Variants in NAT1 observed in about 807,000 individuals in gnomAD.
The protein encoded by NAT1 is N-acetyltransferase 1, also known as arylamine N-acetyltransferase 1.
For missense variants in NAT1, 400 were observed against 339.2 expected (o/e 1.18, Z -1.41); for synonymous variants, 144 against 122.6 (o/e 1.17, Z -1.16).
In NAT1 at chr8:18,222,282, C is replaced by G; in HGVS notation, c.235C>G (p.Leu79Val). 1 of 1,614,122 alleles carries G rather than the reference C, an allele frequency of 6.2e-7. No individual in the cohort carries two copies. The highest frequency in any genetic ancestry group is 8.5e-7 in the Non-Finnish European group (1 of 1,180,020). Residue 79 changes from leucine to valine, a missense_variant, in exon 3 of 3, where the codon CTG becomes GTG. Leu to Val is a conservative substitution (Grantham distance 32, BLOSUM62 1). Coordinates refer to ENST00000307719, the MANE Select transcript of NAT1 (RefSeq NM_000662.8). Reference protein sequence around the residue: ...LQVNHLLYWALTTIGFETTML... With the variant: ...LQVNHLLYWAVTTIGFETTML... Reference sequence around the variant, plus strand: ...GGTCAATCATCTTCTGTACTGGGCTCTGACCACTATTGGTTTTGAGACCAC... The same window carrying G: ...GGTCAATCATCTTCTGTACTGGGCTGTGACCACTATTGGTTTTGAGACCAC...
chr8:18,208,713 T>G (rs999092599), upstream of NAT1, among the ~76,000 whole-genome samples: 1 of 152,176 alleles, frequency 6.6e-6, no homozygotes, highest in African/African-American at 2.4e-5. Context: ...TGGAGGCTAG[T>G]GCTGACCCCA....
chr8:18,216,307 C>T (rs1292898521), intron 1 of NAT1, among the ~76,000 whole-genome samples: 2 of 152,018 alleles, frequency 1.3e-5, no homozygotes, highest in Non-Finnish European at 2.9e-5. Context: ...TATGGGTTGC[C>T]CTGAGTAGGT....
At chr8:18,172,159 C>T (rs1802119894) in intron 2 of NAT1, among the ~76,000 whole-genome samples, 1 of 152,164 alleles carries the variant, frequency 6.6e-6, no homozygotes, top group Non-Finnish European at 1.5e-5. Flanking sequence ...TTATAAGATT[C>T]TCCATTAGCT....
At chr8:18,214,689 C>A (rs963372681) in intron 1 of NAT1, among the ~76,000 whole-genome samples, 5 of 152,106 alleles carry the variant, frequency 3.3e-5, no homozygotes, top group Non-Finnish European at 4.4e-5. Context: ...TCTTTACATA[C>A]ATTTTTCTTA....
chr8:18,213,068 C>CTTTTT (rs34278443), intron 1 of NAT1, among the ~76,000 whole-genome samples: 3 of 142,700 alleles, frequency 2.1e-5, no homozygotes, highest in Non-Finnish European at 3.0e-5. Context: ...CCACACCTCG[C>CTTTTT]TTTTTTTTTT....
rs138505979 is a variant in NAT1, at chr8:18,181,695, A to G, written n.92+10956A>G. On this transcript the variant is annotated intron_variant and non_coding_transcript_variant, in intron 2 of 4. Coordinates refer to the NAT1 transcript ENST00000517441. ...AGGCTTTAATTTTTCTCCATTTGGT[A>G]TGATGTTAGCTGCGGGTTGTCATAT... is the stretch of plus-strand genomic sequence containing the variant. Among the ~76,000 whole-genome samples, 30 of 152,236 alleles carry G rather than the reference A, an allele frequency of 2.0e-4. 1 individual carries two copies. Among genetic ancestry groups the G allele is most frequent in the African/African-American group, 7.0e-4 (29 of 41,540 alleles).
chr8:18,195,441 A>G lies in NAT1; in HGVS notation n.93-14340A>G, dbSNP rs369003530. Among the ~76,000 whole-genome samples, 4 of 127,738 alleles carry G rather than the reference A, an allele frequency of 3.1e-5. No individual in the cohort carries two copies. The East Asian group carries it at 8.6e-4, about 27-fold the overall frequency. The allele number at this position is 127,738 out of a possible 152,430, so 83.8% of individuals were successfully genotyped here. ...AAGTAACTTCTGACTTTTCCCATCA[A>G]TTTCTAGGCTCCCTTAACACCTGTA... On this transcript the variant is annotated intron_variant and non_coding_transcript_variant, in intron 2 of 4. Coordinates refer to the NAT1 transcript ENST00000517441.
At chr8:18,198,175 T>C (rs1317088156) in intron 2 of NAT1, among the ~76,000 whole-genome samples, 1 of 150,942 alleles carries the variant, frequency 6.6e-6, no homozygotes, top group Non-Finnish European at 1.5e-5. Context: ...CAAAAAAAAA[T>C]CTGCTTTTCT....
intron 1 of NAT1, among the ~76,000 whole-genome samples, chr8:18,218,739 A>G (rs1804957949): frequency 1.3e-5 from 2 of 152,096 alleles, no homozygotes; most frequent in Non-Finnish European, 2.9e-5. Flanking sequence ...TCAGGAACCA[A>G]AAAGGGGGAG....
intron 2 of NAT1, among the ~76,000 whole-genome samples, chr8:18,200,014 C>G (rs111708510): frequency 0.041 from 6,200 of 152,238 alleles, 188 homozygotes; most frequent in East Asian, 0.13. Context: ...CAAAAAGTAA[C>G]AGATGCTGGT....
At chr8:18,176,107 G>T (rs1475080383) in intron 2 of NAT1, among the ~76,000 whole-genome samples, 2 of 151,964 alleles carry the variant, frequency 1.3e-5, no homozygotes, top group African/African-American at 2.4e-5. Context: ...TTGAATATTA[G>T]TTGCTTATCA....
intron 2 of NAT1, among the ~76,000 whole-genome samples, chr8:18,177,288 G>C (rs992498936): frequency 2.0e-5 from 3 of 151,926 alleles, no homozygotes; most frequent in Non-Finnish European, 4.4e-5. Context: ...AAAAGACATT[G>C]AATAGGTTTT....
upstream of NAT1, among the ~76,000 whole-genome samples, chr8:18,205,724 A>C (rs1456854741): frequency 6.6e-6 from 1 of 152,176 alleles, no homozygotes; most frequent in Non-Finnish European, 1.5e-5. Context: ...TGCAGTGTGG[A>C]GAGGGTGCAT....
intron 2 of NAT1, among the ~76,000 whole-genome samples, chr8:18,188,326 C>T (rs1034631422): frequency 1.3e-5 from 2 of 152,170 alleles, no homozygotes; most frequent in African/African-American, 4.8e-5. Context: ...TGACTTCCTC[C>T]AGTTATCTCT....
At chr8:18,216,886 GA>G in intron 1 of NAT1, 1 of 1,548,234 alleles carries the variant, frequency 6.5e-7, no homozygotes, top group East Asian at 2.4e-5. Flanking sequence ...GACGTGTACA[GA>G]AGGGCCATGC....
intron 2 of NAT1, among the ~76,000 whole-genome samples, chr8:18,190,727 T>C (rs904932801): frequency 2.6e-5 from 4 of 152,140 alleles, no homozygotes; most frequent in African/African-American, 9.7e-5. Context: ...TGACATCCAG[T>C]TGTCATACTT....
At chr8:18,214,398 A>G (rs13253389) in intron 1 of NAT1, among the ~76,000 whole-genome samples, 81,793 of 151,984 alleles carry the variant, frequency 0.54, 24,109 homozygotes, top group Non-Finnish European at 0.67. Flanking sequence ...TACTAGCCAG[A>G]ATATTTGGAG....
chr8:18,183,514 A>G (rs1265793764), intron 2 of NAT1, among the ~76,000 whole-genome samples: 1 of 152,220 alleles, frequency 6.6e-6, no homozygotes, highest in East Asian at 1.9e-4. Context: ...CGGCAGAAGA[A>G]GTTCCTTACC....
At chr8:18,220,193 G>A (rs770027796) in intron 2 of NAT1, among the ~76,000 whole-genome samples, 1 of 152,100 alleles carries the variant, frequency 6.6e-6, no homozygotes, top group South Asian at 2.1e-4. Flanking sequence ...GTTACGAAAG[G>A]GTGCTGGTGG....
Sources: gnomAD v4.1 joint callset for allele counts (sites outside exome capture counted in the v4.1 genomes callset) on GRCh38, gnomAD v4.1.1 for gene constraint, MANE v1.5 for transcripts, NCBI Gene and HGNC (gene_info 2026-07-23, HGNC 2026-07-21) for gene names.